SUSD4: variants seen among roughly 807,000 people sequenced by gnomAD.
SUSD4 encodes the protein sushi domain containing 4, also known as sushi domain-containing protein 4.
A neutral mutation model predicts 50.5 loss-of-function variants in SUSD4; 41 were observed. That is an observed-to-expected ratio of 0.81 (90% CI 0.63 to 1.05). SUSD4 has a LOEUF of 1.05. Ranked by LOEUF, SUSD4 falls within the 50% of genes least tolerant of loss-of-function variation. SUSD4 has a pLI of 0.00. For missense variants in SUSD4, 580 were observed against 634.7 expected, an observed-to-expected ratio of 0.91 and a Z score of 0.93; for synonymous variants, 257 against 257.3, an observed-to-expected ratio of 1.00 and a Z score of 0.01.
At chr1:223,353,174 G>A (rs1558277038) in intron 2 of SUSD4, among the ~76,000 whole-genome samples, 1 of 152,078 alleles carries the variant, frequency 6.6e-6, no homozygotes, top group African/African-American at 2.4e-5. Context: ...GAACAGACTG[G>A]CACATCCCAT....
At chr1:223,337,092 C>G (rs17163821) in intron 2 of SUSD4, among the ~76,000 whole-genome samples, 4 of 152,160 alleles carry the variant, frequency 2.6e-5, no homozygotes, top group Admixed American at 2.6e-4. Context: ...TCACAGGCAC[C>G]GTAATTTGTT....
chr1:223,260,624 T>A (rs1398098953), intron 5 of SUSD4, among the ~76,000 whole-genome samples: 7 of 152,120 alleles, frequency 4.6e-5, no homozygotes, highest in Non-Finnish European at 1.0e-4. Flanking sequence ...CAGCTCCAAT[T>A]TTATACAGTC....
chr1:223,312,195 G>C (rs1316249997), intron 2 of SUSD4, among the ~76,000 whole-genome samples: 1 of 152,140 alleles, frequency 6.6e-6, no homozygotes, highest in African/African-American at 2.4e-5. Flanking sequence ...TTCATACCTT[G>C]AGCAGCCATG....
intron 3 of SUSD4, among the ~76,000 whole-genome samples, chr1:223,279,821 T>C (rs1333961397): frequency 6.6e-6 from 1 of 151,274 alleles, no homozygotes; most frequent in African/African-American, 2.4e-5. Flanking sequence ...GGAAAAAATG[T>C]TAAGGGCAGC....
chr1:223,235,700 T>G (rs1338736774), intron 5 of SUSD4, among the ~76,000 whole-genome samples: 4 of 152,238 alleles, frequency 2.6e-5, no homozygotes, highest in Non-Finnish European at 5.9e-5. Flanking sequence ...GAAGGTTAAT[T>G]TATTTTTAGT....
intron 2 of SUSD4, among the ~76,000 whole-genome samples, chr1:223,308,169 T>A (rs1200956588): frequency 1.3e-5 from 2 of 152,186 alleles, no homozygotes; most frequent in Non-Finnish European, 2.9e-5. Context: ...CCAAGTCTCA[T>A]GTTGAACTGT....
intron 1 of SUSD4, chr1:223,363,661 G>A: frequency 1.9e-6 from 1 of 527,360 alleles, no homozygotes; most frequent in Non-Finnish European, 3.2e-6. Flanking sequence ...CAGCCGCCGT[G>A]GGATGCTGCG....
chr1:223,363,260 C>A lies in SUSD4; in HGVS notation c.148+18G>T. On this transcript the variant is annotated intron_variant, in intron 2 of 8. Transcript: ENST00000366878. ...CTGGGCCATCCCCAGGCCCTCCCACCACAGCTGGGTCACTCACCGCCCGTG... is the reference window on the plus strand; with the variant it reads ...CTGGGCCATCCCCAGGCCCTCCCACAACAGCTGGGTCACTCACCGCCCGTG... The A allele has an allele frequency of 6.4e-7, 1 of 1,560,948 alleles. No individual in the cohort carries two copies. The highest frequency in any genetic ancestry group is 8.7e-7 in the Non-Finnish European group (1 of 1,150,182).
At chr1:223,318,428 G>A (rs1443816470) in intron 2 of SUSD4, among the ~76,000 whole-genome samples, 18 of 74,584 alleles carry the variant, frequency 2.4e-4, no homozygotes, top group Admixed American at 6.8e-4. Context: ...CTGAGGAATC[G>A]CCACGCTGAC....
chr1:223,283,554 T>A (rs1663910744), intron 3 of SUSD4, among the ~76,000 whole-genome samples: 1 of 152,012 alleles, frequency 6.6e-6, no homozygotes, highest in African/African-American at 2.4e-5. Context: ...CCAGTTGGAA[T>A]GGTGATCATT....
At chr1:223,351,077 C>T (rs947305872) in intron 2 of SUSD4, among the ~76,000 whole-genome samples, 6 of 152,222 alleles carry the variant, frequency 3.9e-5, no homozygotes, top group African/African-American at 1.4e-4. Context: ...CACAACAGTT[C>T]TATAACATGG....
chr1:223,311,267 G>A (rs1171511896), intron 2 of SUSD4, among the ~76,000 whole-genome samples: 1 of 152,092 alleles, frequency 6.6e-6, no homozygotes, highest in African/African-American at 2.4e-5. Context: ...GGAGTTAGTT[G>A]GTTTGTGAAG....
intron 2 of SUSD4, among the ~76,000 whole-genome samples, chr1:223,314,268 T>G (rs919260976): frequency 6.6e-6 from 1 of 152,052 alleles, no homozygotes; most frequent in African/African-American, 2.4e-5. Context: ...ACCTGACACA[T>G]GGAGTAATGA....
intron 5 of SUSD4, among the ~76,000 whole-genome samples, chr1:223,236,196 G>C (rs538672809): frequency 3.2e-4 from 49 of 152,312 alleles, no homozygotes. Flanking sequence ...AAATCAGGTT[G>C]TTTGTGTTCT....
At chr1:223,316,194 A>C (rs1438770689) in intron 2 of SUSD4, among the ~76,000 whole-genome samples, 1 of 151,918 alleles carries the variant, frequency 6.6e-6, no homozygotes, top group Non-Finnish European at 1.5e-5. Flanking sequence ...GGAAAATCTT[A>C]AGCACCCAAA....
At chr1:223,247,096 C>A (rs1406782651) in intron 5 of SUSD4, among the ~76,000 whole-genome samples, 1 of 152,088 alleles carries the variant, frequency 6.6e-6, no homozygotes, top group Non-Finnish European at 1.5e-5. Flanking sequence ...GTCCATACAG[C>A]CCCCCGGGTG....
chr1:223,253,924 C>T (rs902910207), intron 5 of SUSD4, among the ~76,000 whole-genome samples: 3 of 152,216 alleles, frequency 2.0e-5, no homozygotes, highest in African/African-American at 7.2e-5. Flanking sequence ...GCACTTCCTT[C>T]AGTAACCTGA....
chr1:223,353,476 T>C (rs1194970467), intron 2 of SUSD4, among the ~76,000 whole-genome samples: 3 of 152,168 alleles, frequency 2.0e-5, no homozygotes, highest in Non-Finnish European at 4.4e-5. Context: ...GGAACAAGTC[T>C]TATGGCCCCT....
At chr1:223,313,591 G>A (rs1236104218) in intron 2 of SUSD4, among the ~76,000 whole-genome samples, 1 of 152,098 alleles carries the variant, frequency 6.6e-6, no homozygotes, top group Non-Finnish European at 1.5e-5. Context: ...TCTTGAATAG[G>A]GGCTGAGTAA....
Sources: gnomAD v4.1 joint callset for allele counts (sites outside exome capture counted in the v4.1 genomes callset) on GRCh38, gnomAD v4.1.1 for gene constraint, MANE v1.5 for transcripts, NCBI Gene and HGNC (gene_info 2026-07-23, HGNC 2026-07-21) for gene names.